The following COL4A4 variants were observed in gnomAD, a reference collection of about 807,000 sequenced individuals.
The protein encoded by COL4A4 is collagen alpha-4(IV) chain.
COL4A4 carries 105 observed loss-of-function variants against 192.9 expected under a neutral mutation model. The observed-to-expected ratio is 0.54, with a 90% CI of 0.46 to 0.64. COL4A4 has a LOEUF of 0.64. Among genes scored for constraint, COL4A4 ranks in the 30% least tolerant of loss-of-function variants. COL4A4 has a pLI of 0.00. For missense variants in COL4A4, 1,967 were observed against 2,169.3 expected (o/e 0.91, Z 1.85); for synonymous variants, 762 against 769.9 (o/e 0.99, Z 0.17).
chr2:227,053,570 C>G (rs1411218711), intron 31 of COL4A4, among the ~76,000 whole-genome samples: 1 of 109,132 alleles, frequency 9.2e-6, no homozygotes, highest in African/African-American at 3.7e-5. Flanking sequence ...TTTTTGGAGA[C>G]AGAATCTCAC....
intron 2 of COL4A4, 31 bp from the exon 3 acceptor site, chr2:227,144,589 A>T (rs1052879753): frequency 1.3e-6 from 2 of 1,526,672 alleles, no homozygotes; most frequent in African/African-American, 1.4e-5. Flanking sequence ...AGATTAATTT[A>T]AACAGTTTCT....
intron 9 of COL4A4, 52 bp downstream of exon 9, chr2:227,111,626 A>G: frequency 6.3e-7 from 1 of 1,586,306 alleles, no homozygotes; most frequent in South Asian, 1.1e-5. Context: ...AACGTGGATC[A>G]TAGGCTATTT....
chr2:226,992,904 C>T, the COL4A4 span, among the ~76,000 whole-genome samples: 1 of 152,176 alleles, frequency 6.6e-6, no homozygotes, highest in Admixed American at 6.5e-5. Context: ...GTTTCCTCTT[C>T]TGCAAAACTG....
At chr2:226,999,482 A>C (rs143336048), downstream of COL4A4, among the ~76,000 whole-genome samples, 1 of 152,166 alleles carries the variant, frequency 6.6e-6, no homozygotes, top group Non-Finnish European at 1.5e-5. Context: ...AGTAGTACCG[A>C]ATCTTGCCAT....
the COL4A4 span, among the ~76,000 whole-genome samples, chr2:226,986,621 C>T: frequency 6.6e-6 from 1 of 152,090 alleles, no homozygotes; most frequent in Non-Finnish European, 1.5e-5. Flanking sequence ...CAAATCAAAA[C>T]CACAATGAGA....
intron 25 of COL4A4, among the ~76,000 whole-genome samples, chr2:227,065,975 GA>G (rs1220498867): frequency 1.3e-5 from 2 of 152,188 alleles, no homozygotes; most frequent in African/African-American, 4.8e-5. Flanking sequence ...TGAAAACTTT[GA>G]AAAGAATTTA....
chr2:227,156,784 A>T (rs1241641982), intron 1 of COL4A4, among the ~76,000 whole-genome samples: 1 of 152,216 alleles, frequency 6.6e-6, no homozygotes, highest in Non-Finnish European at 1.5e-5. Flanking sequence ...TTAATATTGC[A>T]GGAAGCTATA....
chr2:227,132,200 C>A (rs1184639109), intron 4 of COL4A4, among the ~76,000 whole-genome samples: 1 of 152,116 alleles, frequency 6.6e-6, no homozygotes, highest in Non-Finnish European at 1.5e-5. Context: ...AATTGTCCAC[C>A]TGGGGAGGGA....
In COL4A4 at chr2:227,005,007, G is replaced by A. The variant is rs974616084; in HGVS notation, c.*2318C>T. 1 of 152,142 alleles carries A rather than the reference G, an allele frequency of 6.6e-6. No homozygotes were observed. Among genetic ancestry groups the A allele is most frequent in the African/African-American group, 2.4e-5 (1 of 41,428 alleles). The allele number at this position is 152,142 out of a possible 1,614,324, so 9.4% of individuals were successfully genotyped here. On this transcript the variant is annotated 3_prime_UTR_variant, in exon 48 of 48. Transcript: ENST00000396625. ...CCAGGTGAAGAAAATAATGGTTTAA[G>A]GTAACAGGATCTTCTATTCCAAGAA...
intron 44 of COL4A4, among the ~76,000 whole-genome samples, chr2:227,020,291 A>G (rs1381889366): frequency 1.3e-5 from 2 of 152,192 alleles, no homozygotes; most frequent in African/African-American, 4.8e-5. Flanking sequence ...GTTGATGACT[A>G]GTAATACCGA....
chr2:227,134,174 C>T (rs1376956354), intron 4 of COL4A4, among the ~76,000 whole-genome samples: 4 of 152,182 alleles, frequency 2.6e-5, no homozygotes, highest in South Asian at 4.1e-4. Flanking sequence ...ACAAATGCAC[C>T]GTCCAGCTCC....
the COL4A4 span, among the ~76,000 whole-genome samples, chr2:226,987,400 A>G: frequency 6.6e-6 from 1 of 152,088 alleles, no homozygotes; most frequent in African/African-American, 2.4e-5. Context: ...GTTGGAGGAC[A>G]TTGCCAAGGA....
rs1262826194 is a variant in COL4A4 at position 227,026,894 on chromosome 2, T to C, written c.4081+1008A>G. Reference sequence around the variant, plus strand: ...GGGATCGGAATTGAATATACGATCCTAACAAATAATAATCAAATCAGTCTT... The same window carrying C: ...GGGATCGGAATTGAATATACGATCCCAACAAATAATAATCAAATCAGTCTT... On this transcript the variant is annotated intron_variant, in intron 42 of 47. Transcript: ENST00000396625. 2.6e-5 allele frequency among the ~76,000 whole-genome samples: 4 copies of C among 152,302 alleles called. No individual in the cohort carries two copies. In the South Asian group the frequency reaches 8.3e-4, roughly 32 times the overall value.
intron 3 of COL4A4, among the ~76,000 whole-genome samples, chr2:227,142,148 T>C (rs942527290): frequency 6.7e-6 from 1 of 149,796 alleles, no homozygotes; most frequent in Non-Finnish European, 1.5e-5. Flanking sequence ...AGGTTTGACT[T>C]GGATCAGTAA....
the COL4A4 span, among the ~76,000 whole-genome samples, chr2:226,967,927 G>A: frequency 3.4e-4 from 52 of 152,240 alleles, no homozygotes; most frequent in African/African-American, 1.2e-3. Context: ...GTTGGTAGGT[G>A]ACAGTAATAT....
intron 37 of COL4A4, among the ~76,000 whole-genome samples, chr2:227,040,407 A>G (rs1970537481): frequency 6.6e-6 from 1 of 152,142 alleles, no homozygotes; most frequent in Admixed American, 6.5e-5. Flanking sequence ...ACCACCAACC[A>G]ATATACTTGT....
At chr2:226,988,130 C>T in the COL4A4 span, among the ~76,000 whole-genome samples, 1 of 152,150 alleles carries the variant, frequency 6.6e-6, no homozygotes, top group African/African-American at 2.4e-5. Context: ...CTATTTTGAG[C>T]TCAGTGTATT....
In COL4A4 at chr2:227,144,502, G is replaced by T. The variant is rs751831228; in HGVS notation, c.114+14C>A. 5.0e-6 allele frequency: 8 copies of T among 1,605,936 alleles called. No homozygotes were observed. The African/African-American group carries it at 9.4e-5, about 19-fold the overall frequency. ...AATTTTCACAACGCAACCAGAGCTA[G>T]TGAATGTACTTACCCCATATACATA... On this transcript the variant is annotated intron_variant, in intron 3 of 47. Coordinates refer to ENST00000396625, the MANE Select transcript of COL4A4 (RefSeq NM_000092.5).
At chr2:226,983,938 A>G in the COL4A4 span, among the ~76,000 whole-genome samples, 1 of 152,186 alleles carries the variant, frequency 6.6e-6, no homozygotes, top group Non-Finnish European at 1.5e-5. Context: ...GGCAAAACGC[A>G]ATGGTGTGGG....
Sources: gnomAD v4.1 joint callset for allele counts (sites outside exome capture counted in the v4.1 genomes callset) on GRCh38, gnomAD v4.1.1 for gene constraint, MANE v1.5 for transcripts, NCBI Gene and HGNC (gene_info 2026-07-23, HGNC 2026-07-21) for gene names.